CAMTA1: variants seen among roughly 807,000 people sequenced by gnomAD.
CAMTA1 encodes calmodulin-binding transcription activator 1.
CAMTA1 carries 27 observed loss-of-function variants against 170.9 expected under a neutral mutation model. The ratio of observed to expected loss-of-function variants is 0.16; its 90% confidence interval spans 0.12 to 0.22. The LOEUF (loss-of-function observed/expected upper bound fraction) is 0.22, where lower values mean the gene tolerates loss of function less well. Among genes scored for constraint, CAMTA1 ranks in the 10% least tolerant of loss-of-function variants. The probability of loss-of-function intolerance (pLI) is 1.00; values close to 1 mark genes in which losing one functional copy is unlikely to be tolerated. For missense variants in CAMTA1, 1,619 were observed against 2,217.2 expected (o/e 0.73, Z 5.42); for synonymous variants, 833 against 891.5 (o/e 0.93, Z 1.17).
chr1:7,653,502 A>C (rs530605773), intron 7 of CAMTA1, among the ~76,000 whole-genome samples: 96 of 152,018 alleles, frequency 6.3e-4, no homozygotes, highest in Non-Finnish European at 6.3e-4. Flanking sequence ...GGCTCAAGTG[A>C]TCCACCCTCC....
chr1:7,584,486 G>C (rs774854507), intron 6 of CAMTA1, among the ~76,000 whole-genome samples: 1 of 152,182 alleles, frequency 6.6e-6, no homozygotes, highest in Non-Finnish European at 1.5e-5. Context: ...CCACGACAGA[G>C]AGGGAAGCCC....
intron 5 of CAMTA1, among the ~76,000 whole-genome samples, chr1:7,263,669 G>A (rs1668495775): frequency 6.6e-6 from 1 of 152,114 alleles, no homozygotes; most frequent in African/African-American, 2.4e-5. Context: ...AGAGATCTAT[G>A]GGCTTTCAGT....
chr1:6,876,162 T>C (rs1669770889), intron 3 of CAMTA1, among the ~76,000 whole-genome samples: 1 of 152,080 alleles, frequency 6.6e-6, no homozygotes, highest in South Asian at 2.1e-4. Flanking sequence ...CATTTTTTTT[T>C]CTCTTCCTCT....
chr1:7,260,905 C>T (rs1192330872), intron 5 of CAMTA1, among the ~76,000 whole-genome samples: 3 of 152,108 alleles, frequency 2.0e-5, no homozygotes, highest in Non-Finnish European at 4.4e-5. Context: ...AATGTTGACT[C>T]TTCATGAATT....
intron 3 of CAMTA1, among the ~76,000 whole-genome samples, chr1:7,000,682 A>G (rs1160813112): frequency 1.3e-5 from 2 of 152,134 alleles, no homozygotes; most frequent in African/African-American, 4.8e-5. Flanking sequence ...TGTTTACCAC[A>G]TATGTTTCCT....
chr1:7,136,882 C>T lies in CAMTA1; in HGVS notation c.302+45511C>T, dbSNP rs367891841. Among the ~76,000 whole-genome samples the T allele has an allele frequency of 2.1e-4, 32 of 152,332 alleles. 1 individual carries two copies. In the South Asian group the frequency reaches 6.4e-3, roughly 31 times the overall value. ...GCGCCCAGGGTTCGGTCATCATCTTCTCCGTTTCTCTACCCAAATGCTCCC... is the reference window on the plus strand; with the variant it reads ...GCGCCCAGGGTTCGGTCATCATCTTTTCCGTTTCTCTACCCAAATGCTCCC... On this transcript the variant is annotated intron_variant, in intron 4 of 22. Transcript: ENST00000303635.
intron 12 of CAMTA1, among the ~76,000 whole-genome samples, chr1:7,735,994 C>T (rs921658502): frequency 2.6e-5 from 4 of 151,900 alleles, no homozygotes; most frequent in Non-Finnish European, 4.4e-5. Context: ...AGGCTGGTCT[C>T]GAACTCCTGA....
intron 3 of CAMTA1, among the ~76,000 whole-genome samples, chr1:7,009,427 A>G (rs926192344): frequency 1.2e-4 from 18 of 152,142 alleles, no homozygotes; most frequent in Non-Finnish European, 2.6e-4. Flanking sequence ...GGCCAAGGAA[A>G]GCCCTTGCCT....
chr1:7,325,960 G>A lies in CAMTA1; in HGVS notation c.438+76334G>A, dbSNP rs1445862334. 6.6e-6 allele frequency among the ~76,000 whole-genome samples: 1 copy of A among 152,196 alleles called. No individual in the cohort carries two copies. The highest frequency in any genetic ancestry group is 1.5e-5 in the Non-Finnish European group (1 of 68,042). ...TGCAACCGCTGCCTCCCAGGTTCAA[G>A]TGATTCTCATGCCTCAGCCTCCCAA... On this transcript the variant is annotated intron_variant, in intron 5 of 22. Transcript: ENST00000303635. The surrounding 1 kb of genome is among the most constrained non-coding windows in gnomAD (Gnocchi z 5.0).
chr1:7,290,648 AACTG>A (rs2149498830), intron 5 of CAMTA1, among the ~76,000 whole-genome samples: 1 of 152,286 alleles, frequency 6.6e-6, no homozygotes, highest in African/African-American at 2.4e-5. Context: ...TCCGCATATA[AACTG>A]ACTGCTATCT....
intron 3 of CAMTA1, among the ~76,000 whole-genome samples, chr1:6,827,342 C>G (rs1280083494): frequency 3.9e-5 from 6 of 152,192 alleles, no homozygotes; most frequent in Non-Finnish European, 8.8e-5. Flanking sequence ...AGTTAATTGT[C>G]AGCTCAGCTG....
In CAMTA1 at chr1:7,443,589, C is replaced by T. The variant is rs929704300; in HGVS notation, c.439-24241C>T. 6.6e-6 allele frequency among the ~76,000 whole-genome samples: 1 copy of T among 152,070 alleles called. No individual in the cohort carries two copies. The highest frequency in any genetic ancestry group is 3.2e-3 in the Middle Eastern group (1 of 316). ...TGGGAACCCAGTCTCACCTTCCAGC[C>T]ATATTGAGTGGCACAGAGGAGGCTC... On this transcript the variant is annotated intron_variant, in intron 5 of 22. Coordinates refer to ENST00000303635, the MANE Select transcript of CAMTA1 (RefSeq NM_015215.4). This position sits in a 1 kb window ranked among gnomAD's most constrained non-coding sequence, Gnocchi z 4.1.
Position 7,586,619 on chromosome 1 carries a change from C to G in CAMTA1, c.511-53781C>G, listed in dbSNP as rs780470671. ...TGCCCCAGCACTCCTCTGCCCTCAG[C>G]TCACCAGCTGGGCAACAATACCTGG... On this transcript the variant is annotated intron_variant, in intron 6 of 22. Coordinates refer to ENST00000303635, the MANE Select transcript of CAMTA1 (RefSeq NM_015215.4). Among the ~76,000 whole-genome samples the G allele has an allele frequency of 6.6e-5, 10 of 152,278 alleles. No homozygotes were observed. In the South Asian group the frequency reaches 2.1e-3, roughly 32 times the overall value.
chr1:6,813,625 A>T (rs1011125184), intron 1 of CAMTA1, among the ~76,000 whole-genome samples: 2 of 151,938 alleles, frequency 1.3e-5, no homozygotes, highest in African/African-American at 2.4e-5. Context: ...TTTTCTTTTT[A>T]AAAATTTTTT....
At position 6,926,536 on chromosome 1, in the gene CAMTA1, CTT is replaced by C. The variant is rs546416195; in HGVS notation, c.234+101328_234+101329del. On this transcript the variant is annotated intron_variant, in intron 3 of 22. Coordinates refer to ENST00000303635, the MANE Select transcript of CAMTA1 (RefSeq NM_015215.4). The stretch of plus-strand genomic sequence containing the variant: ...TCCTTCCTTCTTTCTTTCTCTCTCT[CTT>C]TCTTTCCTTCCTTCCTTCCTTCTTT... Among the ~76,000 whole-genome samples, 30 of 137,374 alleles carry C rather than the reference CTT, an allele frequency of 2.2e-4. No individual in the cohort carries two copies. The Middle Eastern group carries it at 0.012, about 54-fold the overall frequency. The allele number at this position is 137,374 out of a possible 152,430, so 90.1% of individuals were successfully genotyped here.
chr1:7,447,430 G>T (rs1173376177), intron 5 of CAMTA1, among the ~76,000 whole-genome samples: 1 of 150,956 alleles, frequency 6.6e-6, no homozygotes, highest in African/African-American at 2.4e-5. Context: ...GGGGCGGGGT[G>T]GGGGGTGAGG....
chr1:7,246,124 G>A (rs1030400456), intron 4 of CAMTA1, among the ~76,000 whole-genome samples: 3 of 152,210 alleles, frequency 2.0e-5, no homozygotes, highest in African/African-American at 7.2e-5. Context: ...GGAGCAGAAC[G>A]GAGACTGGCC....
At chr1:7,176,576 C>T (rs1023892905) in intron 4 of CAMTA1, among the ~76,000 whole-genome samples, 6 of 152,222 alleles carry the variant, frequency 3.9e-5, no homozygotes, top group Admixed American at 6.5e-5. Context: ...CCAACTGCTT[C>T]TGATTCTACA....
chr1:7,500,016 T>TCCG (rs2093958575), intron 6 of CAMTA1, among the ~76,000 whole-genome samples: 1 of 127,838 alleles, frequency 7.8e-6, no homozygotes, highest in African/African-American at 3.1e-5. Flanking sequence ...TATGTGCACA[T>TCCG]TTACTGTGTA....
Sources: allele counts gnomAD v4.1 joint callset (sites outside exome capture counted in the v4.1 genomes callset), GRCh38; gene constraint gnomAD v4.1.1; non-coding constraint Gnocchi (gnomAD v3.1); transcripts MANE v1.5; gene names NCBI Gene and HGNC (gene_info 2026-07-23, HGNC 2026-07-21).